The following PLCL2 variants were observed in gnomAD, a reference collection of about 807,000 sequenced individuals.
The protein encoded by PLCL2 is inactive phospholipase C-like protein 2.
Under a neutral mutation model 79.6 loss-of-function variants are expected in PLCL2, and 4 were observed. That is an observed-to-expected ratio of 0.05 (90% CI 0.02 to 0.11). The LOEUF (loss-of-function observed/expected upper bound fraction) is 0.11, where lower values mean the gene tolerates loss of function less well. Ranked by LOEUF, PLCL2 falls within the 10% of genes least tolerant of loss-of-function variation. PLCL2 has a pLI of 1.00. For synonymous variants in PLCL2, 484 were observed against 457.7 expected, an observed-to-expected ratio of 1.06 and a Z score of -0.73; for missense variants, 895 against 1,291.0, an observed-to-expected ratio of 0.69 and a Z score of 4.70.
intron 3 of PLCL2, among the ~76,000 whole-genome samples, chr3:17,034,628 A>G (rs1021203121): frequency 2.6e-5 from 4 of 152,202 alleles, no homozygotes; most frequent in African/African-American, 7.2e-5. Flanking sequence ...TCTTAAATGT[A>G]TGTATAGTTC....
In PLCL2 at chr3:16,886,049, T is replaced by G. The variant is rs1696213742; in HGVS notation, c.327+683T>G. Among the ~76,000 whole-genome samples, 1 of 152,246 alleles carries G rather than the reference T, an allele frequency of 6.6e-6. No homozygotes were observed. The highest frequency in any genetic ancestry group is 2.1e-4 in the South Asian group (1 of 4,834). ...ACTGTGGAAGTTCTTTTGGGCAGTT[T>G]GCTTGGTTTTGCTTGCACAGTGTTA... On this transcript the variant is annotated intron_variant, in intron 1 of 5. Coordinates refer to ENST00000615277, the MANE Select transcript of PLCL2 (RefSeq NM_001144382.2). This position sits in a 1 kb window ranked among gnomAD's most constrained non-coding sequence, Gnocchi z 4.2.
At chr3:16,942,723 C>T (rs188580953) in intron 1 of PLCL2, among the ~76,000 whole-genome samples, 2 of 152,266 alleles carry the variant, frequency 1.3e-5, no homozygotes, top group African/African-American at 4.8e-5. Context: ...TTCCTCATTT[C>T]ATCCCATTCC....
Position 17,011,258 on chromosome 3 carries a change from C to G in PLCL2, c.1912C>G (p.Gln638Glu). 6.2e-7 allele frequency: 1 copy of G among 1,614,224 alleles called. No homozygotes were observed. Residue 638 changes from glutamine to glutamate, a missense_variant, in exon 2 of 6, where the codon CAG (glutamine) becomes GAG (glutamate). By Grantham distance (29) the Gln-to-Glu change is conservative. Transcript: ENST00000615277. This position sits in a 1 kb window ranked among gnomAD's most constrained non-coding sequence, Gnocchi z 7.9. ...VQFKEFQVSF[Q>E]VQKYWEVCSF... is the part of the protein sequence containing the mutation. ...GTTCAAAGAATTTCAGGTGTCGTTT[C>G]AGGTTCAGAAGTACTGGGAAGTCTG...
chr3:17,028,495 A>G lies in PLCL2; in HGVS notation c.3018+13584A>G, dbSNP rs1444562026. On this transcript the variant is annotated intron_variant, in intron 3 of 5. Coordinates refer to ENST00000615277, the MANE Select transcript of PLCL2 (RefSeq NM_001144382.2). ...CCTTTTTTTTTTCTTTTTTTTTTTG[A>G]GACAGGGTTTCACTCCTGTCACCCA... Among the ~76,000 whole-genome samples, 6 of 138,390 alleles carry G rather than the reference A, an allele frequency of 4.3e-5. No individual in the cohort carries two copies. The East Asian group carries it at 1.4e-3, about 32-fold the overall frequency. 90.8% of individuals were successfully genotyped at this position (138,390 alleles called of 152,430 possible).
chr3:17,053,271 G>A (rs1438177689), intron 4 of PLCL2, among the ~76,000 whole-genome samples: 1 of 152,130 alleles, frequency 6.6e-6, no homozygotes, highest in Admixed American at 6.5e-5. Flanking sequence ...AGAAGGTGAA[G>A]GAGAAGCAGG....
At chr3:16,890,696 G>A (rs1696325995) in intron 1 of PLCL2, among the ~76,000 whole-genome samples, 2 of 152,130 alleles carry the variant, frequency 1.3e-5, no homozygotes, top group South Asian at 4.1e-4. Flanking sequence ...ACTTTTACCA[G>A]TGGACCACAG....
At chr3:17,018,048 A>G (rs1156964605) in intron 3 of PLCL2, among the ~76,000 whole-genome samples, 3 of 152,066 alleles carry the variant, frequency 2.0e-5, no homozygotes, top group African/African-American at 2.4e-5. Context: ...TCAGGAGTGG[A>G]GAAGAAGAGA....
At chr3:17,084,124 A>G (rs375774063) in intron 5 of PLCL2, among the ~76,000 whole-genome samples, 1 of 152,332 alleles carries the variant, frequency 6.6e-6, no homozygotes, top group African/African-American at 2.4e-5. Flanking sequence ...GATTTTATGG[A>G]CACTAAAAGG....
At chr3:16,980,471 G>C (rs1297981588) in intron 1 of PLCL2, among the ~76,000 whole-genome samples, 1 of 150,688 alleles carries the variant, frequency 6.6e-6, no homozygotes, top group Non-Finnish European at 1.5e-5. Flanking sequence ...GGGCGGCCGG[G>C]CAGAGACGCT....
Position 17,011,249 on chromosome 3 carries a change from G to T in PLCL2, c.1903G>T (p.Val635Leu), listed in dbSNP as rs17857109. 52 of 1,614,084 alleles carry T rather than the reference G, an allele frequency of 3.2e-5. No individual in the cohort carries two copies. The highest frequency in any genetic ancestry group is 1.6e-4 in the Middle Eastern group (1 of 6,084). ...ATCAGTTCAGTTCAAAGAATTTCAG[G>T]TGTCGTTTCAGGTTCAGAAGTACTG... is the stretch of plus-strand genomic sequence containing the variant. The part of the protein sequence containing the change: ...CKSVQFKEFQ[V>L]SFQVQKYWEV... The change falls in exon 2 of 6, where the codon GTG becomes TTG. Residue 635 changes from valine to leucine, a missense_variant. Val to Leu is a conservative substitution (Grantham distance 32). Coordinates refer to ENST00000615277, the MANE Select transcript of PLCL2 (RefSeq NM_001144382.2). The surrounding 1 kb of genome is among the most constrained non-coding windows in gnomAD (Gnocchi z 7.9).
intron 1 of PLCL2, among the ~76,000 whole-genome samples, chr3:16,973,189 TC>T (rs1316616773): frequency 6.6e-6 from 1 of 152,144 alleles, no homozygotes; most frequent in Admixed American, 6.5e-5. Flanking sequence ...ATAATAGATT[TC>T]CTTAACATTT....
intron 3 of PLCL2, among the ~76,000 whole-genome samples, chr3:17,031,484 T>A (rs1267733139): frequency 6.6e-6 from 1 of 152,144 alleles, no homozygotes; most frequent in Non-Finnish European, 1.5e-5. Context: ...CTGTCTGGGA[T>A]GGGATAAGGA....
At position 17,090,058 on chromosome 3, in the gene PLCL2, G is replaced by C; in HGVS notation, c.*146G>C. The C allele has an allele frequency of 7.2e-7, 1 of 1,384,308 alleles. No homozygotes were observed. Among genetic ancestry groups the C allele is most frequent in the Non-Finnish European group, 9.4e-7 (1 of 1,067,288 alleles). The allele number at this position is 1,384,308 out of a possible 1,614,324, so 85.8% of individuals were successfully genotyped here. Reference sequence around the variant, plus strand: ...TAGCTAATTACAGTCTATTAAAACTGTGAATGTATGTAGCAATCCTGCGTG... The same window carrying C: ...TAGCTAATTACAGTCTATTAAAACTCTGAATGTATGTAGCAATCCTGCGTG... On this transcript the variant is annotated 3_prime_UTR_variant, in exon 6 of 6. Coordinates refer to ENST00000615277, the MANE Select transcript of PLCL2 (RefSeq NM_001144382.2).
At chr3:16,959,908 A>G (rs1311520600) in intron 1 of PLCL2, among the ~76,000 whole-genome samples, 2 of 152,146 alleles carry the variant, frequency 1.3e-5, no homozygotes. Context: ...GATCAAGACC[A>G]TCCTGGCTAA....
chr3:17,071,559 G>T (rs1363553520), intron 5 of PLCL2, among the ~76,000 whole-genome samples: 1 of 152,064 alleles, frequency 6.6e-6, no homozygotes. Context: ...ATTATTAGAC[G>T]TAGGTGACTT....
intron 1 of PLCL2, among the ~76,000 whole-genome samples, chr3:16,889,963 CAA>C (rs1264319313): frequency 6.6e-6 from 1 of 152,136 alleles, no homozygotes; most frequent in Non-Finnish European, 1.5e-5. Context: ...AGCTGGATAA[CAA>C]AGTGAATTTG....
intron 3 of PLCL2, among the ~76,000 whole-genome samples, chr3:17,022,794 T>C (rs1441910602): frequency 6.6e-6 from 1 of 152,202 alleles, no homozygotes; most frequent in African/African-American, 2.4e-5. Flanking sequence ...GAGTTCAAGC[T>C]TCATACTCAT....
rs573969188 is a variant in PLCL2, at chr3:16,886,469, C to A, written c.327+1103C>A. On this transcript the variant is annotated intron_variant, in intron 1 of 5. Coordinates refer to ENST00000615277, the MANE Select transcript of PLCL2 (RefSeq NM_001144382.2). The surrounding 1 kb of genome is among the most constrained non-coding windows in gnomAD (Gnocchi z 4.2). ...ATTTTATTGGACCTACAGAAATCTT[C>A]CAAGTACTGTGAAAATGTCTGATGG... Among the ~76,000 whole-genome samples the A allele has an allele frequency of 3.5e-4, 54 of 152,156 alleles. No individual in the cohort carries two copies. The highest frequency in any genetic ancestry group is 6.6e-4 in the Non-Finnish European group (45 of 68,032).
chr3:16,946,481 T>C (rs929069615), intron 1 of PLCL2, among the ~76,000 whole-genome samples: 1 of 152,172 alleles, frequency 6.6e-6, no homozygotes, highest in Non-Finnish European at 1.5e-5. Context: ...TTCCCTTATG[T>C]TTAAGTTGTC....
Sources: allele counts gnomAD v4.1 joint callset (sites outside exome capture counted in the v4.1 genomes callset), GRCh38; gene constraint gnomAD v4.1.1; non-coding constraint Gnocchi (gnomAD v3.1); transcripts MANE v1.5; gene names NCBI Gene and HGNC (gene_info 2026-07-23, HGNC 2026-07-21).